The following SLC24A2 variants were observed in gnomAD, a reference collection of about 807,000 sequenced individuals.
SLC24A2 encodes the protein sodium/potassium/calcium exchanger 2.
A neutral mutation model predicts 62.0 loss-of-function variants in SLC24A2; 36 were observed. The ratio of observed to expected loss-of-function variants is 0.58; its 90% CI spans 0.44 to 0.77. The LOEUF is 0.77. SLC24A2 is among the 30% of genes least tolerant of loss of function. The pLI is 0.00. For synonymous variants in SLC24A2, 358 were observed against 294.0 expected (o/e 1.22, Z -2.23); for missense variants, 846 against 817.9 (o/e 1.03, Z -0.42).
chr9:19,972,750 G>C, the SLC24A2 span, among the ~76,000 whole-genome samples: 1 of 152,088 alleles, frequency 6.6e-6, no homozygotes, highest in Non-Finnish European at 1.5e-5. Flanking sequence ...TCCTCAAATG[G>C]ATTGGAAATT....
the SLC24A2 span, among the ~76,000 whole-genome samples, chr9:20,207,383 A>T: frequency 2.0e-5 from 3 of 152,178 alleles, no homozygotes; most frequent in Admixed American, 6.5e-5. Context: ...GACTGCTACT[A>T]AATCACACTC....
intron 2 of SLC24A2, among the ~76,000 whole-genome samples, chr9:19,746,108 CTT>C (rs548736762): frequency 1.4e-5 from 2 of 146,174 alleles, no homozygotes; most frequent in Admixed American, 6.8e-5. Context: ...TTTTTTCTCT[CTT>C]TTTTTTTTTA....
At chr9:20,268,362 T>C in the SLC24A2 span, among the ~76,000 whole-genome samples, 1 of 152,156 alleles carries the variant, frequency 6.6e-6, no homozygotes, top group Non-Finnish European at 1.5e-5. Context: ...CATGGCAGTA[T>C]TGGGAGATGG....
the SLC24A2 span, among the ~76,000 whole-genome samples, chr9:20,087,539 A>C: frequency 6.6e-6 from 1 of 152,212 alleles, no homozygotes; most frequent in African/African-American, 2.4e-5. Flanking sequence ...TCAAAGAGAG[A>C]TAATATTTCC....
the SLC24A2 span, among the ~76,000 whole-genome samples, chr9:19,840,699 G>A: frequency 0.085 from 12,914 of 151,964 alleles, 642 homozygotes; most frequent in African/African-American, 0.15. Flanking sequence ...TTTGACAAGC[G>A]CATATTTCTG....
chr9:20,088,861 C>A, the SLC24A2 span, among the ~76,000 whole-genome samples: 1 of 152,156 alleles, frequency 6.6e-6, no homozygotes. Context: ...GAGAGGCAGG[C>A]TACCATCTTT....
chr9:19,819,412 A>C, the SLC24A2 span, among the ~76,000 whole-genome samples: 1 of 152,256 alleles, frequency 6.6e-6, no homozygotes, highest in East Asian at 1.9e-4. Flanking sequence ...TAAACAGACA[A>C]CCCACAGAGT....
At chr9:20,228,851 C>T in the SLC24A2 span, among the ~76,000 whole-genome samples, 1 of 152,110 alleles carries the variant, frequency 6.6e-6, no homozygotes, top group South Asian at 2.1e-4. Flanking sequence ...GCTGTTCACT[C>T]TGTAGAAGGG....
At chr9:20,009,946 G>C in the SLC24A2 span, among the ~76,000 whole-genome samples, 1 of 152,052 alleles carries the variant, frequency 6.6e-6, no homozygotes, top group Non-Finnish European at 1.5e-5. Flanking sequence ...CTCAACCTTG[G>C]AGTCCATTGC....
chr9:19,578,573 T>C (rs543565719), intron 5 of SLC24A2, among the ~76,000 whole-genome samples: 24 of 152,204 alleles, frequency 1.6e-4, no homozygotes, highest in Admixed American at 7.2e-4. Context: ...TTTTCCGGCT[T>C]GTGTTCTCTA....
the SLC24A2 span, among the ~76,000 whole-genome samples, chr9:19,825,312 G>C: frequency 1.3e-5 from 2 of 151,988 alleles, no homozygotes; most frequent in African/African-American, 4.8e-5. Flanking sequence ...CTTTTATTTT[G>C]CCTGGAGTAA....
At chr9:19,921,212 C>G in the SLC24A2 span, among the ~76,000 whole-genome samples, 1 of 151,870 alleles carries the variant, frequency 6.6e-6, no homozygotes, top group East Asian at 1.9e-4. Flanking sequence ...TATAGTTTTA[C>G]TATCTTCACT....
At position 19,700,206 on chromosome 9, in the gene SLC24A2, A is replaced by G. The variant is rs781130865; in HGVS notation, c.931-77907T>C. ...TTGGTTTTATGACATCACTTAAATG[A>G]CAGAACCTCTTTGAGCCTTAGCCTC... is the stretch of plus-strand genomic sequence containing the variant. On this transcript the variant is annotated intron_variant, in intron 2 of 10. Coordinates refer to ENST00000341998, the MANE Select transcript of SLC24A2 (RefSeq NM_020344.4). 7.9e-5 allele frequency among the ~76,000 whole-genome samples: 12 copies of G among 152,188 alleles called. 1 individual carries two copies. The highest frequency in any genetic ancestry group is 1.6e-4 in the Non-Finnish European group (11 of 68,024).
At chr9:19,668,433 C>T (rs1190869675) in intron 2 of SLC24A2, among the ~76,000 whole-genome samples, 2 of 152,200 alleles carry the variant, frequency 1.3e-5, no homozygotes, top group African/African-American at 4.8e-5. Flanking sequence ...GGACCAATTT[C>T]CTCAAATCGC....
At chr9:19,906,962 C>T in the SLC24A2 span, among the ~76,000 whole-genome samples, 1 of 152,174 alleles carries the variant, frequency 6.6e-6, no homozygotes, top group Admixed American at 6.5e-5. Flanking sequence ...GGGAATCCTC[C>T]CTAACTCATT....
the SLC24A2 span, among the ~76,000 whole-genome samples, chr9:19,846,485 T>TACTTGTGAGGTGGGTC: frequency 1.3e-5 from 2 of 152,226 alleles, no homozygotes; most frequent in Non-Finnish European, 2.9e-5. Context: ...TGGGTGTAAT[T>TACTTGTGAGGTGGGTC]ACTTGTGAGG....
chr9:19,938,319 T>C, the SLC24A2 span, among the ~76,000 whole-genome samples: 1 of 152,138 alleles, frequency 6.6e-6, no homozygotes, highest in Non-Finnish European at 1.5e-5. Flanking sequence ...TAATATACTA[T>C]TTCCCAAAAG....
In SLC24A2 at chr9:19,786,526, T is replaced by C; in HGVS notation, c.341A>G (p.Asp114Gly). The C allele has an allele frequency of 6.2e-7, 1 of 1,614,212 alleles. No individual in the cohort carries two copies. Among genetic ancestry groups the C allele is most frequent in the South Asian group, 1.1e-5 (1 of 91,086 alleles). Residue 114 changes from aspartate (D) to glycine (G), a missense_variant, in exon 2 of 11, where the codon GAT becomes GGT. By Grantham distance (94) the Asp-to-Gly change is moderately conservative. Transcript: ENST00000341998. The surrounding 1 kb of genome is among the most constrained non-coding windows in gnomAD (Gnocchi z 5.0). ...SKEGESENST[D>G]HAQGDYPKDI... ...TTTCGGGTAGTCTCCTTGGGCGTGATCTGTACTATTCTCAGACTCGCCTTC... is the reference window on the plus strand; with the variant it reads ...TTTCGGGTAGTCTCCTTGGGCGTGACCTGTACTATTCTCAGACTCGCCTTC...
At chr9:19,538,671 T>C (rs1166300547) in intron 8 of SLC24A2, among the ~76,000 whole-genome samples, 2 of 130,204 alleles carry the variant, frequency 1.5e-5, no homozygotes, top group African/African-American at 6.1e-5. Context: ...TTCTCTTTTT[T>C]GGTTGTGTCT....
Sources: allele counts gnomAD v4.1 joint callset (sites outside exome capture counted in the v4.1 genomes callset), GRCh38; gene constraint gnomAD v4.1.1; non-coding constraint Gnocchi (gnomAD v3.1); transcripts MANE v1.5; gene names NCBI Gene and HGNC (gene_info 2026-07-23, HGNC 2026-07-21).